UCP1: variants seen among roughly 807,000 people sequenced by gnomAD.
The protein encoded by UCP1 is mitochondrial brown fat uncoupling protein 1.
A neutral mutation model predicts 26.2 loss-of-function variants in UCP1; 24 were observed. The observed-to-expected ratio is 0.92, with a 90% confidence interval of 0.66 to 1.29. The LOEUF (loss-of-function observed/expected upper bound fraction) is 1.29, where lower values mean the gene tolerates loss of function less well. Ranked by LOEUF, UCP1 falls within the 50% of genes most tolerant of loss-of-function variation. The probability of loss-of-function intolerance (pLI) is 0.00; values close to 1 mark genes in which losing one functional copy is unlikely to be tolerated. For synonymous variants in UCP1, 164 were observed against 156.8 expected, an observed-to-expected ratio of 1.05 and a Z score of -0.34; for missense variants, 402 against 388.7, an observed-to-expected ratio of 1.03 and a Z score of -0.29.
rs1735835940 is a variant in UCP1 at position 140,567,884 on chromosome 4, G to A, written c.220C>T (p.Leu74Phe). ...AVVKTEGRMK[L>F]YSGLPAGLQR... ...AGCCCCGCAGGCAGCCCGCTGTAGA[G>A]TTTCATCCGCCCTTCTGTTTTTACC... The change falls in exon 2 of 6, where the codon CTC becomes TTC. Residue 74 changes from leucine to phenylalanine, a missense_variant. Coordinates refer to ENST00000262999, the MANE Select transcript of UCP1 (RefSeq NM_021833.5). 6.2e-7 allele frequency: 1 copy of A among 1,614,042 alleles called. No homozygotes were observed. Among genetic ancestry groups the A allele is most frequent in the African/African-American group, 1.3e-5 (1 of 74,898 alleles).
intron 5 of UCP1, 116 bp downstream of exon 5, chr4:140,562,077 C>T (rs1221238622): frequency 1.6e-6 from 2 of 1,223,142 alleles, no homozygotes; most frequent in African/African-American, 3.0e-5. Context: ...AAAGTCAATA[C>T]TAAGTATATG....
At chr4:140,568,084 C>T (rs1735843574) in intron 1 of UCP1, 107 bp from the exon 2 acceptor site, 1 of 1,127,260 alleles carries the variant, frequency 8.9e-7, no homozygotes, top group African/African-American at 1.5e-5. Context: ...CAGCAACATT[C>T]CTCTTCCATC....
At position 140,559,762 on chromosome 4, in the gene UCP1, A is replaced by G; in HGVS notation, c.*134T>C. On this transcript the variant is annotated 3_prime_UTR_variant, in exon 6 of 6. Coordinates refer to ENST00000262999, the MANE Select transcript of UCP1 (RefSeq NM_021833.5). ...AGGCATTAATTTTCCTCTTTTTTAT[A>G]TAAAAAAGTCCAAAATTCTCTGCCA... 1 of 823,730 alleles carries G rather than the reference A, an allele frequency of 1.2e-6. No individual in the cohort carries two copies. The allele number at this position is 823,730 out of a possible 1,614,324, so 51.0% of individuals were successfully genotyped here.
chr4:140,562,082 T>G, intron 5 of UCP1, 111 bp downstream of exon 5: 1 of 1,243,974 alleles, frequency 8.0e-7, no homozygotes, highest in Non-Finnish European at 1.2e-6. Context: ...CAATACTAAG[T>G]ATATGAATAT....
chr4:140,563,527 A>AGAGAAAAAAAATTATT lies in UCP1; in HGVS notation c.326-25_326-10dup. 1 of 1,612,096 alleles carries AGAGAAAAAAAATTATT rather than the reference A, an allele frequency of 6.2e-7. No homozygotes were observed. The highest frequency in any genetic ancestry group is 8.5e-7 in the Non-Finnish European group (1 of 1,179,640). ...TCCTAAACTAGGTGCTGCTATCCAGAGAGAAAAAAAATTATTAAGAAAAAA... is the reference window on the plus strand; with the variant it reads ...TCCTAAACTAGGTGCTGCTATCCAGAGAGAAAAAAAATTATTGAGAAAAAAAATTATTAAGAAAAAA... On this transcript the variant is annotated splice_polypyrimidine_tract_variant and intron_variant, in intron 2 of 5. Coordinates refer to ENST00000262999, the MANE Select transcript of UCP1 (RefSeq NM_021833.5).
At position 140,563,185 on chromosome 4, in the gene UCP1, C is replaced by T; in HGVS notation, c.553G>A (p.Val185Ile). ...KGTTPNLMRSVIINCTELVTY... is the reference protein window; with the variant it reads ...KGTTPNLMRSIIINCTELVTY... ...ACTAGCTCTGTACAATTGATGATGA[C>T]ACTTCTCATCAGATTGGGAGTAGTC... Residue 185 changes from valine (V) to isoleucine (I), a missense_variant, in exon 4 of 6, where the codon GTC becomes ATC. Val to Ile is a conservative substitution (Grantham distance 29). Transcript: ENST00000262999. 1 of 1,612,914 alleles carries T rather than the reference C, an allele frequency of 6.2e-7. No homozygotes were observed.
chr4:140,563,410 C>T lies in UCP1; in HGVS notation c.434G>A (p.Ser145Asn), dbSNP rs903086941. 8.1e-6 allele frequency: 13 copies of T among 1,613,938 alleles called. No homozygotes were observed. The African/African-American group carries it at 1.6e-4, about 20-fold the overall frequency. Reference protein sequence around the residue: ...EVVKVRLQAQSHLHGIKPRYT... With the variant: ...EVVKVRLQAQNHLHGIKPRYT... ...GCGAGGTTTGATTCCGTGGAGATGG[C>T]TCTGTGCTTGAAGTCTGACTTTCAC... The change falls in exon 3 of 6, where the codon AGC becomes AAC. Residue 145 changes from serine (S) to asparagine (N), a missense_variant. Ser to Asn is a conservative substitution (Grantham distance 46, BLOSUM62 1). Coordinates refer to ENST00000262999, the MANE Select transcript of UCP1 (RefSeq NM_021833.5).
intron 5 of UCP1, 37 bp downstream of exon 5, chr4:140,562,156 C>T: frequency 6.2e-7 from 1 of 1,612,752 alleles, no homozygotes; most frequent in Non-Finnish European, 8.5e-7. Flanking sequence ...ACACAGACAG[C>T]CAGAACACAT....
Position 140,563,533 on chromosome 4 carries a change from A to C in UCP1, c.326-15T>G. On this transcript the variant is annotated splice_polypyrimidine_tract_variant and intron_variant, in intron 2 of 5. Coordinates refer to ENST00000262999, the MANE Select transcript of UCP1 (RefSeq NM_021833.5). ...ACTAGGTGCTGCTATCCAGAGAGAA[A>C]AAAAATTATTAAGAAAAAAAATTAA... 1 of 1,610,816 alleles carries C rather than the reference A, an allele frequency of 6.2e-7. No homozygotes were observed.
In UCP1 at chr4:140,567,803, C is replaced by T. The variant is rs763328630; in HGVS notation, c.301G>A (p.Glu101Lys). The T allele has an allele frequency of 1.3e-5, 21 of 1,614,038 alleles. No individual in the cohort carries two copies. The East Asian group carries it at 1.6e-4, about 12-fold the overall frequency. Residue 101 changes from glutamate to lysine, a missense_variant, in exon 2 of 6, where the codon GAG (glutamate) becomes AAG (lysine). Physicochemically the swap from Glu to Lys is moderately conservative, Grantham distance 56 (BLOSUM62 1). Transcript: ENST00000262999. ...CTTTCTTTCCCTGCGGTGAGGAACT[C>T]CTGGACCGTGTCGTAGAGGCCGATC... ...LRIGLYDTVQEFLTAGKETAP... is the reference protein window; with the variant it reads ...LRIGLYDTVQKFLTAGKETAP...
chr4:140,559,713 G>GA lies in UCP1; in HGVS notation c.*182dup, dbSNP rs76626493. On this transcript the variant is annotated 3_prime_UTR_variant, in exon 6 of 6. Transcript: ENST00000262999. ...TGCTTTCCCCTTCTTAAGACACTGA[G>GA]AAAAAAAAAAAGTTATATGAAATAG... The GA allele has an allele frequency of 0.3, 147,143 of 497,886 alleles. 8,415 individuals carry two copies. Among genetic ancestry groups the GA allele is most frequent in the Admixed American group, 0.37 (10,855 of 29,484 alleles). 30.8% of individuals were successfully genotyped at this position (497,886 alleles called of 1,614,324 possible). A position where few individuals can be genotyped will look rare whatever the true frequency, so the allele number is the denominator to read the frequency against.
At position 140,568,629 on chromosome 4, in the gene UCP1, A is replaced by C. The variant is rs1578792322; in HGVS notation, c.101T>G (p.Leu34Arg). ...CTGGAGCCGGACTTTGGCCGTGTCC[A>C]GCGGGAAGGTGATCACGTCCGCCAA... Reference protein sequence around the residue: ...ACLADVITFPLDTAKVRLQVQ... With the variant: ...ACLADVITFPRDTAKVRLQVQ... The change falls in exon 1 of 6, where the codon CTG becomes CGG. Residue 34 changes from leucine (L) to arginine (R), a missense_variant. Leu to Arg is a moderately radical substitution (Grantham distance 102). Coordinates refer to ENST00000262999, the MANE Select transcript of UCP1 (RefSeq NM_021833.5). 1 of 1,613,380 alleles carries C rather than the reference A, an allele frequency of 6.2e-7. No individual in the cohort carries two copies. Among genetic ancestry groups the C allele is most frequent in the South Asian group, 1.1e-5 (1 of 90,748 alleles).
chr4:140,568,748 G>T lies in UCP1; in HGVS notation c.-19C>A. On this transcript the variant is annotated 5_prime_UTR_variant, in exon 1 of 6. Coordinates refer to ENST00000262999, the MANE Select transcript of UCP1 (RefSeq NM_021833.5). ...CCCCCATCTTCACTCAGAGACTGGA[G>T]ATGCAGAGGAAAAGGGCTCCAGCCC... is the stretch of plus-strand genomic sequence containing the variant. The T allele has an allele frequency of 6.4e-7, 1 of 1,572,666 alleles. No individual in the cohort carries two copies.
At chr4:140,568,045 C>T (rs1293911582) in intron 1 of UCP1, 68 bp from the exon 2 acceptor site, 17 of 1,542,478 alleles carry the variant, frequency 1.1e-5, no homozygotes, top group Middle Eastern at 1.7e-4. Context: ...AAGATTTCCC[C>T]CTGTGTTCCT....
chr4:140,567,891 C>A lies in UCP1; in HGVS notation c.213G>T (p.Arg71=), dbSNP rs1735836285. The A allele has an allele frequency of 6.2e-7, 1 of 1,614,160 alleles. No individual in the cohort carries two copies. Among genetic ancestry groups the A allele is most frequent in the Non-Finnish European group, 8.5e-7 (1 of 1,180,034 alleles). The part of the protein sequence containing the change: ...TITAVVKTEG[R]MKLYSGLPAG... ...CAGGCAGCCCGCTGTAGAGTTTCAT[C>A]CGCCCTTCTGTTTTTACCACAGCGG... The change falls in exon 2 of 6, where the codon CGG becomes CGT. Residue 71 remains arginine, a synonymous_variant. Transcript: ENST00000262999.
rs2110919955 is a variant in UCP1, at chr4:140,568,902, G to C, written c.-173C>G. On this transcript the variant is annotated 5_prime_UTR_variant, in exon 1 of 6. Transcript: ENST00000262999. ...AGGCGGCGGCTGCAGACGGAGCGCGGTGTTGGGGGCCGAGTCCCCGCGTCC... is the reference window on the plus strand; with the variant it reads ...AGGCGGCGGCTGCAGACGGAGCGCGCTGTTGGGGGCCGAGTCCCCGCGTCC... The C allele has an allele frequency of 2.0e-6, 2 of 988,576 alleles. No individual in the cohort carries two copies. Among genetic ancestry groups the C allele is most frequent in the South Asian group, 3.3e-5 (2 of 61,326 alleles). 61.2% of individuals were successfully genotyped at this position (988,576 alleles called of 1,614,324 possible). A position where few individuals can be genotyped will look rare whatever the true frequency, so the allele number is the denominator to read the frequency against.
chr4:140,568,755 A>G lies in UCP1; in HGVS notation c.-26T>C, dbSNP rs781492756. The G allele has an allele frequency of 1.3e-5, 20 of 1,567,132 alleles. No homozygotes were observed. In the Admixed American group the frequency reaches 1.9e-4, roughly 15 times the overall value. On this transcript the variant is annotated 5_prime_UTR_variant, in exon 1 of 6. Transcript: ENST00000262999. ...CTTCACTCAGAGACTGGAGATGCAG[A>G]GGAAAAGGGCTCCAGCCCCGAAGGT... is the stretch of plus-strand genomic sequence containing the variant.
In UCP1 at chr4:140,568,648, C is replaced by T; in HGVS notation, c.82G>A (p.Asp28Asn). The change falls in exon 1 of 6, where the codon GAC (aspartate) becomes AAC (asparagine). Residue 28 changes from aspartate to asparagine, a missense_variant. Transcript: ENST00000262999. ...GTGTCCAGCGGGAAGGTGATCACGT[C>T]CGCCAAGCACGCCGCTATTCCAGCT... ...FSAGIAACLA[D>N]VITFPLDTAK... The T allele has an allele frequency of 6.2e-7, 1 of 1,612,408 alleles. No individual in the cohort carries two copies. The highest frequency in any genetic ancestry group is 8.5e-7 in the Non-Finnish European group (1 of 1,179,570).
chr4:140,562,637 C>T (rs1735704401), intron 4 of UCP1, among the ~76,000 whole-genome samples: 1 of 152,092 alleles, frequency 6.6e-6, no homozygotes, highest in Admixed American at 6.6e-5. Context: ...ATATGAGCAT[C>T]TAATACTTTT....
Sources: allele counts gnomAD v4.1 joint callset (sites outside exome capture counted in the v4.1 genomes callset), GRCh38; gene constraint gnomAD v4.1.1; transcripts MANE v1.5; gene names NCBI Gene and HGNC (gene_info 2026-07-23, HGNC 2026-07-21).